Variants in MALRD1 observed in about 807,000 individuals in gnomAD.
The protein encoded by MALRD1 is MAM and LDL-receptor class A domain-containing protein 1.
In MALRD1, 247 loss-of-function variants were observed where a neutral mutation model predicts 242.1. The observed-to-expected ratio is 1.02, with a 90% CI of 0.92 to 1.13. The LOEUF is 1.13. Ranked by LOEUF, MALRD1 falls within the 50% of genes most tolerant of loss-of-function variation. The probability of loss-of-function intolerance (pLI) is 0.00; values close to 1 mark genes in which losing one functional copy is unlikely to be tolerated. For missense variants in MALRD1, 2,989 were observed against 2,533.1 expected, an observed-to-expected ratio of 1.18 and a Z score of -3.86; for synonymous variants, 995 against 866.6, an observed-to-expected ratio of 1.15 and a Z score of -2.60.
chr10:19,424,027 A>G (rs1833812480), intron 28 of MALRD1, among the ~76,000 whole-genome samples: 2 of 152,246 alleles, frequency 1.3e-5, no homozygotes, highest in South Asian at 4.1e-4. Flanking sequence ...ATAGTCGAAA[A>G]TAAAACAGAA....
intron 13 of MALRD1, among the ~76,000 whole-genome samples, chr10:19,169,446 CAG>C: frequency 6.6e-6 from 1 of 152,182 alleles, no homozygotes; most frequent in East Asian, 1.9e-4. Flanking sequence ...GTAGTTAAAA[CAG>C]AGAGAAACAA....
At chr10:19,076,162 G>A (rs1337171158) in intron 2 of MALRD1, among the ~76,000 whole-genome samples, 1 of 151,774 alleles carries the variant, frequency 6.6e-6, no homozygotes, top group East Asian at 1.9e-4. Flanking sequence ...TTTAGATCAT[G>A]CCAAAAATTA....
rs1309198981 is a variant in MALRD1 at position 19,148,784 on chromosome 10, A to ATATATATAT, written c.1558+2440_1558+2441insTATATATAT. Among the ~76,000 whole-genome samples, 23 of 63,944 alleles carry ATATATATAT rather than the reference A, an allele frequency of 3.6e-4. 1 individual carries two copies. The highest frequency in any genetic ancestry group is 1.4e-3 in the Admixed American group (11 of 8,062). 41.9% of individuals were successfully genotyped at this position (63,944 alleles called of 152,430 possible). On this transcript the variant is annotated intron_variant, in intron 11 of 39. Coordinates refer to ENST00000454679, the MANE Select transcript of MALRD1 (RefSeq NM_001142308.3). ...TAGAAAGGGCCAATTAAAAAAAAAA[A>ATATATATAT]AAAAATATATATATATATATATATA... is the stretch of plus-strand genomic sequence containing the variant.
At chr10:19,336,723 G>T (rs1221985094) in intron 24 of MALRD1, among the ~76,000 whole-genome samples, 1 of 152,074 alleles carries the variant, frequency 6.6e-6, no homozygotes, top group Non-Finnish European at 1.5e-5. Context: ...GTGGGCATTT[G>T]CTAAGCCAGT....
intron 17 of MALRD1, among the ~76,000 whole-genome samples, chr10:19,206,232 T>G (rs1836776993): frequency 6.6e-6 from 1 of 152,050 alleles, no homozygotes; most frequent in Non-Finnish European, 1.5e-5. Flanking sequence ...AATTTCCATA[T>G]ACATCATCGT....
intron 36 of MALRD1, among the ~76,000 whole-genome samples, chr10:19,663,849 T>C (rs1841553998): frequency 6.6e-6 from 1 of 152,158 alleles, no homozygotes; most frequent in Non-Finnish European, 1.5e-5. Flanking sequence ...GGTTAAAATG[T>C]TCTGTCCTGC....
intron 14 of MALRD1, among the ~76,000 whole-genome samples, chr10:19,177,476 G>C (rs72790798): frequency 0.064 from 9,797 of 151,986 alleles, 432 homozygotes; most frequent in Middle Eastern, 0.11. Context: ...AGAAAGGTGT[G>C]ACAAAAACCT....
chr10:19,595,558 GTGA>G, intron 34 of MALRD1, 101 bp downstream of exon 34: 1 of 1,283,436 alleles, frequency 7.8e-7, no homozygotes, highest in Non-Finnish European at 1.0e-6. Flanking sequence ...GAGCCTTACC[GTGA>G]TTGTATCATT....
At chr10:19,404,927 T>C (rs1252606973) in intron 28 of MALRD1, among the ~76,000 whole-genome samples, 1 of 152,126 alleles carries the variant, frequency 6.6e-6, no homozygotes, top group Non-Finnish European at 1.5e-5. Flanking sequence ...AGAAAGCAAA[T>C]GTACTAGTTG....
chr10:19,373,993 T>C (rs781150125), intron 26 of MALRD1, among the ~76,000 whole-genome samples: 5 of 152,216 alleles, frequency 3.3e-5, no homozygotes, highest in Admixed American at 2.0e-4. Flanking sequence ...ACTGCTCTCT[T>C]AGCATAAATT....
intron 28 of MALRD1, among the ~76,000 whole-genome samples, chr10:19,425,205 T>A (rs1462631952): frequency 2.0e-5 from 3 of 152,244 alleles, no homozygotes; most frequent in African/African-American, 7.2e-5. Flanking sequence ...CAAGCCCTTT[T>A]TATTAGGCTT....
At position 19,324,053 on chromosome 10, in the gene MALRD1, G is replaced by C; in HGVS notation, c.3524G>C (p.Cys1175Ser). ...ATCATTTCACTCACGGGACCAAAAT[G>C]TACCTTGGTGTTCTGGACACATATG... is the stretch of plus-strand genomic sequence containing the variant. ...TPIISLTGPK[C>S]TLVFWTHMNG... Residue 1175 changes from cysteine (C) to serine (S), a missense_variant, in exon 22 of 40, where the codon TGT (cysteine) becomes TCT (serine). Coordinates refer to ENST00000454679, the MANE Select transcript of MALRD1 (RefSeq NM_001142308.3). 6.4e-7 allele frequency: 1 copy of C among 1,550,616 alleles called. No homozygotes were observed. Among genetic ancestry groups the C allele is most frequent in the Non-Finnish European group, 8.7e-7 (1 of 1,146,880 alleles).
Position 19,186,435 on chromosome 10 carries a change from A to G in MALRD1, c.1951+11107A>G, listed in dbSNP as rs543459775. 2.0e-5 allele frequency among the ~76,000 whole-genome samples: 3 copies of G among 152,338 alleles called. No homozygotes were observed. The South Asian group carries it at 6.2e-4, about 32-fold the overall frequency. The stretch of plus-strand genomic sequence containing the variant: ...AAAAGTGAAAACTATTTCTATAGTC[A>G]GGTAAAATCTGATAAATAACCCATG... On this transcript the variant is annotated intron_variant, in intron 14 of 39. Transcript: ENST00000454679.
In MALRD1 at chr10:19,126,020, A is replaced by G. The variant is rs147096984; in HGVS notation, c.943+1350A>G. On this transcript the variant is annotated intron_variant, in intron 7 of 39. Coordinates refer to ENST00000454679, the MANE Select transcript of MALRD1 (RefSeq NM_001142308.3). Reference sequence around the variant, plus strand: ...TGTTTTAAAATTGTTCTCACTTCGAAATAATAATTTATCTGGTCATACAAT... The same window carrying G: ...TGTTTTAAAATTGTTCTCACTTCGAGATAATAATTTATCTGGTCATACAAT... 3.5e-3 allele frequency among the ~76,000 whole-genome samples: 540 copies of G among 152,136 alleles called. 2 individuals carry two copies. The highest frequency in any genetic ancestry group is 6.1e-3 in the Non-Finnish European group (415 of 67,976).
intron 2 of MALRD1, among the ~76,000 whole-genome samples, chr10:19,080,633 A>T (rs1564378022): frequency 6.6e-6 from 1 of 152,042 alleles, no homozygotes. Flanking sequence ...TGGACTAAAG[A>T]CTTACATGTA....
rs372851605 is a variant in MALRD1, at chr10:19,679,345, T to G, written c.6138-12937T>G. ...CTGCCTCAATTTCAGAACTTGTTATTGGTCTATTCAGGGATTCAACTTCTT... is the reference window on the plus strand; with the variant it reads ...CTGCCTCAATTTCAGAACTTGTTATGGGTCTATTCAGGGATTCAACTTCTT... On this transcript the variant is annotated intron_variant, in intron 36 of 39. Transcript: ENST00000454679. 1.6e-4 allele frequency among the ~76,000 whole-genome samples: 25 copies of G among 152,318 alleles called. 1 individual carries two copies. The highest frequency in any genetic ancestry group is 5.5e-4 in the African/African-American group (23 of 41,570).
chr10:19,233,317 C>T (rs867612886), intron 18 of MALRD1, among the ~76,000 whole-genome samples: 3 of 152,114 alleles, frequency 2.0e-5, no homozygotes. Flanking sequence ...GCCTGGCCAA[C>T]ATGATGAAAC....
chr10:19,102,492 G>C (rs1317658363), intron 4 of MALRD1, among the ~76,000 whole-genome samples: 1 of 152,104 alleles, frequency 6.6e-6, no homozygotes, highest in African/African-American at 2.4e-5. Flanking sequence ...ACAGCATATT[G>C]TACAGGGATG....
At chr10:19,700,458 C>G (rs768713907) in intron 38 of MALRD1, among the ~76,000 whole-genome samples, 2 of 152,016 alleles carry the variant, frequency 1.3e-5, no homozygotes, top group Non-Finnish European at 2.9e-5. Context: ...GAAATTTGCC[C>G]AAGATAGACG....
Sources: allele counts gnomAD v4.1 joint callset (sites outside exome capture counted in the v4.1 genomes callset), GRCh38; gene constraint gnomAD v4.1.1; transcripts MANE v1.5; gene names NCBI Gene and HGNC (gene_info 2026-07-23, HGNC 2026-07-21).